XKR9: variants seen among roughly 807,000 people sequenced by gnomAD.
The protein encoded by XKR9 is XK related 9.
In XKR9, 32 loss-of-function variants were observed where a neutral mutation model predicts 32.0. The observed-to-expected ratio is 1.00, with a 90% CI of 0.76 to 1.34. The LOEUF is 1.34. Ranked by LOEUF, XKR9 falls within the 40% of genes most tolerant of loss-of-function variation. The probability of loss-of-function intolerance (pLI) is 0.00; values close to 1 mark genes in which losing one functional copy is unlikely to be tolerated. For missense variants in XKR9, 546 were observed against 429.7 expected (o/e 1.27, Z -2.39); for synonymous variants, 168 against 143.4 (o/e 1.17, Z -1.22).
At chr8:70,878,412 C>A in the XKR9 span, among the ~76,000 whole-genome samples, 7 of 151,958 alleles carry the variant, frequency 4.6e-5, no homozygotes, top group East Asian at 1.2e-3. Flanking sequence ...AGGAGACCCA[C>A]CTACGTGCAA....
At chr8:71,061,166 C>A in the XKR9 span, among the ~76,000 whole-genome samples, 5 of 152,172 alleles carry the variant, frequency 3.3e-5, no homozygotes, top group African/African-American at 1.2e-4. Context: ...AGGTTACATA[C>A]TAGTAAGTTG....
intron 2 of XKR9, among the ~76,000 whole-genome samples, chr8:70,752,025 C>T (rs1257926749): frequency 6.6e-6 from 1 of 152,140 alleles, no homozygotes; most frequent in Admixed American, 6.5e-5. Flanking sequence ...TAAGCCAATT[C>T]CTTGAAGCAA....
At chr8:70,975,959 T>A in the XKR9 span, among the ~76,000 whole-genome samples, 33 of 152,158 alleles carry the variant, frequency 2.2e-4, no homozygotes, top group African/African-American at 7.7e-4. Flanking sequence ...GTCCTTCACA[T>A]CCCTTGGAAG....
chr8:70,823,698 A>G, the XKR9 span, among the ~76,000 whole-genome samples: 152 of 152,220 alleles, frequency 1.0e-3, 4 homozygotes, highest in Admixed American at 9.8e-3. Flanking sequence ...AATGGATTTG[A>G]TTTTTTTGAA....
the XKR9 span, among the ~76,000 whole-genome samples, chr8:70,814,079 G>A: frequency 1.3e-5 from 2 of 152,182 alleles, no homozygotes; most frequent in Admixed American, 6.5e-5. Context: ...TTAAGAAAAT[G>A]TGGCACATAT....
the XKR9 span, among the ~76,000 whole-genome samples, chr8:70,849,378 C>T: frequency 1.3e-5 from 2 of 152,192 alleles, no homozygotes; most frequent in South Asian, 2.1e-4. Context: ...GGGTAAATAA[C>T]AAAATTAAGG....
intron 3 of XKR9, among the ~76,000 whole-genome samples, chr8:70,699,320 C>G (rs1234606807): frequency 6.6e-6 from 1 of 152,248 alleles, no homozygotes; most frequent in African/African-American, 2.4e-5. Context: ...GTGGCTGGTA[C>G]CGGTTGTTCC....
At chr8:70,809,057 A>T in the XKR9 span, among the ~76,000 whole-genome samples, 1 of 152,204 alleles carries the variant, frequency 6.6e-6, no homozygotes, top group East Asian at 1.9e-4. Context: ...GTAGGGGCAG[A>T]CTGACACCTC....
Position 70,674,816 on chromosome 8 carries a change from A to G in XKR9, c.-360-2A>G, listed in dbSNP as rs1321053573. 1 of 152,162 alleles carries G rather than the reference A, an allele frequency of 6.6e-6. No homozygotes were observed. Among genetic ancestry groups the G allele is most frequent in the Non-Finnish European group, 1.5e-5 (1 of 68,034 alleles). 9.4% of individuals were successfully genotyped at this position (152,162 alleles called of 1,614,324 possible). A position where few individuals can be genotyped will look rare whatever the true frequency, so the allele number is the denominator to read the frequency against. Reference sequence around the variant, plus strand: ...ACATCCTTTAATTATACTTGTTTTTAGTGAAGAAGAAGTAAAATATTCACA... The same window carrying G: ...ACATCCTTTAATTATACTTGTTTTTGGTGAAGAAGAAGTAAAATATTCACA... On this transcript the variant is annotated splice_acceptor_variant, in intron 1 of 4. Transcript: ENST00000408926. LOFTEE classifies it low-confidence loss of function (5UTR_SPLICE).
the XKR9 span, among the ~76,000 whole-genome samples, chr8:70,833,327 A>C: frequency 6.6e-6 from 1 of 152,204 alleles, no homozygotes; most frequent in Non-Finnish European, 1.5e-5. Context: ...ATGTCATAGC[A>C]ATCACTATGA....
chr8:70,776,947 C>CTCTCTCTCTCTATATATATATATATA, intron 2 of XKR9, among the ~76,000 whole-genome samples: 56 of 54,174 alleles, frequency 1.0e-3, no homozygotes, highest in African/African-American at 3.6e-3. Context: ...CTCTCTCTCT[C>CTCTCTCTCTCTATATATATATATATA]TATATATATA....
chr8:70,935,118 T>G, the XKR9 span, among the ~76,000 whole-genome samples: 1 of 147,144 alleles, frequency 6.8e-6, no homozygotes. Context: ...TATATATATA[T>G]ATACACACAC....
At chr8:70,992,952 A>C in the XKR9 span, among the ~76,000 whole-genome samples, 71 of 152,342 alleles carry the variant, frequency 4.7e-4, no homozygotes, top group African/African-American at 1.7e-3. Flanking sequence ...TGCCTTCTAG[A>C]CTTGGATAAC....
chr8:70,907,479 T>A, the XKR9 span, among the ~76,000 whole-genome samples: 1 of 152,216 alleles, frequency 6.6e-6, no homozygotes, highest in Non-Finnish European at 1.5e-5. Flanking sequence ...TGTATTCATA[T>A]ATTTAGAATT....
chr8:70,874,749 A>G, the XKR9 span, among the ~76,000 whole-genome samples: 1 of 152,124 alleles, frequency 6.6e-6, no homozygotes, highest in Non-Finnish European at 1.5e-5. Flanking sequence ...CAATAAGATT[A>G]TTTTTTCTTG....
chr8:70,821,483 C>T, the XKR9 span, among the ~76,000 whole-genome samples: 5 of 152,230 alleles, frequency 3.3e-5, no homozygotes, highest in Non-Finnish European at 7.3e-5. Flanking sequence ...AGTGGGGACT[C>T]TGTGTGAGGG....
chr8:70,831,028 CACCTGT>C, the XKR9 span, among the ~76,000 whole-genome samples: 1 of 152,180 alleles, frequency 6.6e-6, no homozygotes, highest in Non-Finnish European at 1.5e-5. Flanking sequence ...TGGTGGCTCA[CACCTGT>C]AATCCCAGCA....
the XKR9 span, among the ~76,000 whole-genome samples, chr8:71,006,805 C>T: frequency 6.6e-6 from 1 of 152,132 alleles, no homozygotes; most frequent in Non-Finnish European, 1.5e-5. Context: ...CAGTTGCTCC[C>T]ATGTATACTT....
chr8:70,811,133 AACTC>A, the XKR9 span, among the ~76,000 whole-genome samples: 1 of 152,244 alleles, frequency 6.6e-6, no homozygotes, highest in African/African-American at 2.4e-5. Context: ...AGGATTAAGA[AACTC>A]ACTCAAAACC....
Sources: allele counts gnomAD v4.1 joint callset (sites outside exome capture counted in the v4.1 genomes callset), GRCh38; gene constraint gnomAD v4.1.1; transcripts MANE v1.5; gene names NCBI Gene and HGNC (gene_info 2026-07-23, HGNC 2026-07-21).